The following NELL1 variants were observed in gnomAD, a reference collection of about 807,000 sequenced individuals.
NELL1 encodes neural EGFL like 1.
NELL1 carries 76 observed loss-of-function variants against 107.4 expected under a neutral mutation model. That is an observed-to-expected ratio of 0.71 (90% CI 0.59 to 0.86). The LOEUF (loss-of-function observed/expected upper bound fraction) is 0.86. NELL1 is among the 40% of genes least tolerant of loss of function. NELL1 has a pLI of 0.00. For missense variants in NELL1, 1,024 were observed against 1,005.5 expected, an observed-to-expected ratio of 1.02 and a Z score of -0.25; for synonymous variants, 353 against 341.2, an observed-to-expected ratio of 1.03 and a Z score of -0.38.
intron 14 of NELL1, among the ~76,000 whole-genome samples, chr11:21,347,096 A>G (rs1850699538): frequency 6.6e-6 from 1 of 152,202 alleles, no homozygotes; most frequent in Non-Finnish European, 1.5e-5. Flanking sequence ...GTGAGGGAAG[A>G]CAAAGCAGGG....
chr11:20,685,969 C>T (rs536495069), intron 2 of NELL1, among the ~76,000 whole-genome samples: 4 of 151,992 alleles, frequency 2.6e-5, no homozygotes, highest in African/African-American at 4.8e-5. Flanking sequence ...ACAGTGGATA[C>T]GTCTCTTAAT....
chr11:20,678,079 TTGCA>T lies in NELL1; in HGVS notation c.184+22_184+25del, dbSNP rs771788315. ...TTTCAAGGTAAAGGCACCTCCTTTC[TTGCA>T]TGGTGGCAGAGGTTGGGGAGGAGGG... On this transcript the variant is annotated intron_variant, in intron 2 of 19. Transcript: ENST00000357134. 1.4e-5 allele frequency: 23 copies of T among 1,613,740 alleles called. No homozygotes were observed. Among genetic ancestry groups the T allele is most frequent in the Non-Finnish European group, 1.9e-5 (23 of 1,179,816 alleles).
chr11:20,699,902 G>GT (rs1170061140), intron 2 of NELL1, among the ~76,000 whole-genome samples: 1 of 152,146 alleles, frequency 6.6e-6, no homozygotes, highest in Non-Finnish European at 1.5e-5. Flanking sequence ...TACCAGCAGT[G>GT]TAAAAGTGTT....
Position 20,772,138 on chromosome 11 carries a change from C to T in NELL1, c.185-11542C>T, listed in dbSNP as rs146743485. On this transcript the variant is annotated intron_variant, in intron 2 of 19. Transcript: ENST00000357134. ...CTCTTTCATGCCTGAGAATTAGGAC[C>T]GTGCACAAAAGGGAATGAATTATAA... 1.4e-4 allele frequency among the ~76,000 whole-genome samples: 22 copies of T among 152,158 alleles called. No individual in the cohort carries two copies. The East Asian group carries it at 2.5e-3, about 17-fold the overall frequency.
At chr11:21,337,322 A>G (rs1476395072) in intron 14 of NELL1, among the ~76,000 whole-genome samples, 1 of 152,198 alleles carries the variant, frequency 6.6e-6, no homozygotes, top group Non-Finnish European at 1.5e-5. Context: ...ATGTCCTTGT[A>G]TTAATCAGGA....
At chr11:20,724,461 A>G (rs571579073) in intron 2 of NELL1, among the ~76,000 whole-genome samples, 8 of 152,300 alleles carry the variant, frequency 5.3e-5, no homozygotes, top group African/African-American at 1.9e-4. Context: ...TTCTTCCACC[A>G]GGTACCCTAA....
intron 15 of NELL1, among the ~76,000 whole-genome samples, chr11:21,532,056 A>G (rs756372567): frequency 6.6e-6 from 1 of 152,212 alleles, no homozygotes; most frequent in East Asian, 1.9e-4. Context: ...CCTTGCACAG[A>G]GAACAGAAAT....
At chr11:21,367,908 A>C (rs1851265837) in intron 14 of NELL1, among the ~76,000 whole-genome samples, 1 of 152,114 alleles carries the variant, frequency 6.6e-6, no homozygotes, top group South Asian at 2.1e-4. Context: ...CATCAACTAA[A>C]TAATGCTGTG....
Position 21,106,404 on chromosome 11 carries a change from G to A in NELL1, c.1301-7185G>A, listed in dbSNP as rs145314230. Among the ~76,000 whole-genome samples, 683 of 152,210 alleles carry A rather than the reference G, an allele frequency of 4.5e-3. 4 individuals carry two copies. The highest frequency in any genetic ancestry group is 0.016 in the African/African-American group (651 of 41,544). On this transcript the variant is annotated intron_variant, in intron 12 of 19. Transcript: ENST00000357134. ...TTTAAAGCACTTAAAACTTCCTGGT[G>A]CATAGAAAATACTATATAAGCACTG...
intron 2 of NELL1, among the ~76,000 whole-genome samples, chr11:20,757,672 C>T (rs533567195): frequency 6.6e-6 from 1 of 152,188 alleles, no homozygotes; most frequent in African/African-American, 2.4e-5. Flanking sequence ...ACCGTCATCA[C>T]CTCTCTTCTC....
At chr11:21,273,375 C>A (rs1245653065) in intron 14 of NELL1, among the ~76,000 whole-genome samples, 1 of 152,168 alleles carries the variant, frequency 6.6e-6, no homozygotes, top group East Asian at 1.9e-4. Context: ...AAGAAACGAA[C>A]AAAGCCTCCA....
intron 15 of NELL1, among the ~76,000 whole-genome samples, chr11:21,517,777 C>T (rs1463809531): frequency 6.6e-6 from 1 of 152,104 alleles, no homozygotes; most frequent in African/African-American, 2.4e-5. Flanking sequence ...TGATCTCCAT[C>T]ACATAATCTA....
At chr11:20,816,268 C>A (rs1450821079) in intron 3 of NELL1, among the ~76,000 whole-genome samples, 1 of 152,118 alleles carries the variant, frequency 6.6e-6, no homozygotes, top group African/African-American at 2.4e-5. Flanking sequence ...AATGTTGATT[C>A]TTCAATCCAT....
At chr11:20,991,173 C>T (rs1162010102) in intron 12 of NELL1, among the ~76,000 whole-genome samples, 1 of 152,204 alleles carries the variant, frequency 6.6e-6, no homozygotes, top group Non-Finnish European at 1.5e-5. Context: ...ACTAAGGGAA[C>T]ACATGCCCTG....
intron 15 of NELL1, among the ~76,000 whole-genome samples, chr11:21,456,209 G>C (rs907927049): frequency 1.3e-5 from 2 of 151,764 alleles, no homozygotes; most frequent in Non-Finnish European, 2.9e-5. Flanking sequence ...CTTTTGCTTG[G>C]GACTCAAATT....
At chr11:21,289,031 A>G (rs536682516) in intron 14 of NELL1, among the ~76,000 whole-genome samples, 51 of 152,202 alleles carry the variant, frequency 3.4e-4, no homozygotes, top group Non-Finnish European at 3.5e-4. Context: ...CCTTTCTACT[A>G]TATTCTGTTG....
chr11:20,995,533 G>C (rs1162607881), intron 12 of NELL1, among the ~76,000 whole-genome samples: 3 of 151,834 alleles, frequency 2.0e-5, no homozygotes, highest in Non-Finnish European at 4.4e-5. Flanking sequence ...AGCAGAGATC[G>C]CACCACTGCA....
intron 12 of NELL1, among the ~76,000 whole-genome samples, chr11:21,037,544 G>GT (rs1305767725): frequency 2.0e-5 from 3 of 152,104 alleles, no homozygotes; most frequent in African/African-American, 7.2e-5. Flanking sequence ...TGTATGCCTA[G>GT]TTTTTTATAT....
chr11:20,701,138 G>C (rs951175173), intron 2 of NELL1, among the ~76,000 whole-genome samples: 1 of 152,148 alleles, frequency 6.6e-6, no homozygotes, highest in Non-Finnish European at 1.5e-5. Context: ...GTGTAAAAGT[G>C]TTCCTATTTC....
Sources: gnomAD v4.1 joint callset for allele counts (sites outside exome capture counted in the v4.1 genomes callset) on GRCh38, gnomAD v4.1.1 for gene constraint, MANE v1.5 for transcripts, NCBI Gene and HGNC (gene_info 2026-07-23, HGNC 2026-07-21) for gene names.